The following SCRG1 variants were observed in gnomAD, a reference collection of about 807,000 sequenced individuals.
The protein encoded by SCRG1 is scrapie-responsive protein 1.
A neutral mutation model predicts 7.7 loss-of-function variants in SCRG1; 3 were observed. The ratio of observed to expected loss-of-function variants is 0.39; its 90% confidence interval spans 0.18 to 1.01. The LOEUF is 1.01. Ranked by LOEUF, SCRG1 falls within the 50% of genes least tolerant of loss-of-function variation. SCRG1 has a pLI of 0.36. For synonymous variants in SCRG1, 46 were observed against 41.2 expected (o/e 1.12, Z -0.44); for missense variants, 110 against 117.2 (o/e 0.94, Z 0.28).
chr4:173,459,380 G>A, the SCRG1 span, among the ~76,000 whole-genome samples: 1 of 152,086 alleles, frequency 6.6e-6, no homozygotes, highest in African/African-American at 2.4e-5. Flanking sequence ...AAGTCTTAAT[G>A]TATTTAAAAT....
chr4:173,458,016 G>A, the SCRG1 span, among the ~76,000 whole-genome samples: 1 of 152,218 alleles, frequency 6.6e-6, no homozygotes, highest in Non-Finnish European at 1.5e-5. Context: ...AGGCATGAGA[G>A]CACTCTCAGA....
the SCRG1 span, among the ~76,000 whole-genome samples, chr4:173,441,937 T>C: frequency 2.6e-5 from 4 of 152,196 alleles, no homozygotes; most frequent in Non-Finnish European, 5.9e-5. Context: ...GTAATATACA[T>C]GATAGACCGT....
the SCRG1 span, among the ~76,000 whole-genome samples, chr4:173,457,902 A>G: frequency 5.3e-5 from 8 of 152,262 alleles, no homozygotes; most frequent in South Asian, 1.7e-3. Flanking sequence ...TGAAGGAGTC[A>G]TACTGTTTTC....
the SCRG1 span, among the ~76,000 whole-genome samples, chr4:173,498,180 A>T: frequency 6.6e-6 from 1 of 152,250 alleles, no homozygotes; most frequent in East Asian, 1.9e-4. Context: ...CAAGACTCTT[A>T]TAAACAAATC....
chr4:173,481,188 T>G, the SCRG1 span, among the ~76,000 whole-genome samples: 2 of 152,206 alleles, frequency 1.3e-5, no homozygotes, highest in Admixed American at 1.3e-4. Flanking sequence ...CCTTTAATTA[T>G]CTTTATCTTA....
the SCRG1 span, among the ~76,000 whole-genome samples, chr4:173,460,903 TAGG>T: frequency 2.0e-5 from 3 of 152,156 alleles, no homozygotes; most frequent in African/African-American, 7.2e-5. Flanking sequence ...CCTTGGGCCT[TAGG>T]AGATCAACTG....
At chr4:173,492,506 G>C in the SCRG1 span, among the ~76,000 whole-genome samples, 2 of 152,096 alleles carry the variant, frequency 1.3e-5, no homozygotes, top group Admixed American at 1.3e-4. Flanking sequence ...ACCCAAGCAG[G>C]CTTGTTTCCT....
At chr4:173,400,978 G>C (rs184132085), upstream of SCRG1, among the ~76,000 whole-genome samples, 2 of 152,198 alleles carry the variant, frequency 1.3e-5, no homozygotes, top group East Asian at 3.8e-4. Flanking sequence ...TTAGGAGAGT[G>C]TCATCATGGA....
the SCRG1 span, among the ~76,000 whole-genome samples, chr4:173,456,548 C>T: frequency 8.5e-5 from 13 of 152,162 alleles, no homozygotes; most frequent in African/African-American, 3.1e-4. Flanking sequence ...CTATAATTAA[C>T]ATTTTGGGTT....
At chr4:173,412,989 G>A in the SCRG1 span, among the ~76,000 whole-genome samples, 1 of 152,016 alleles carries the variant, frequency 6.6e-6, no homozygotes, top group Non-Finnish European at 1.5e-5. Context: ...ATGTGCAATG[G>A]GATTAATTCT....
At chr4:173,429,305 G>A in the SCRG1 span, among the ~76,000 whole-genome samples, 1 of 150,234 alleles carries the variant, frequency 6.7e-6, no homozygotes, top group Admixed American at 6.6e-5. Context: ...TTTTTTTTGA[G>A]ACAAAGTCTT....
chr4:173,487,066 C>A, the SCRG1 span, among the ~76,000 whole-genome samples: 32 of 152,246 alleles, frequency 2.1e-4, no homozygotes, highest in African/African-American at 7.5e-4. Flanking sequence ...AAGTCTGAGG[C>A]CCCACCCTGA....
the SCRG1 span, among the ~76,000 whole-genome samples, chr4:173,506,400 C>T: frequency 6.6e-6 from 1 of 152,160 alleles, no homozygotes; most frequent in Non-Finnish European, 1.5e-5. This position sits in a 1 kb window ranked among gnomAD's most constrained non-coding sequence, Gnocchi z 5.3. Context: ...CAGGGCCCCT[C>T]AGTGTGCCAT....
the SCRG1 span, among the ~76,000 whole-genome samples, chr4:173,471,952 G>A: frequency 6.6e-6 from 1 of 152,232 alleles, no homozygotes; most frequent in South Asian, 2.1e-4. Context: ...CAGGTGATCT[G>A]CCCACCTTGG....
chr4:173,477,843 A>G, the SCRG1 span, among the ~76,000 whole-genome samples: 1 of 151,448 alleles, frequency 6.6e-6, no homozygotes, highest in East Asian at 1.9e-4. Context: ...ATCATAGCCC[A>G]CTTCAGCTTT....
chr4:173,510,243 C>A, the SCRG1 span, among the ~76,000 whole-genome samples: 4 of 152,116 alleles, frequency 2.6e-5, no homozygotes, highest in Non-Finnish European at 2.9e-5. The surrounding 1 kb of genome is among the most constrained non-coding windows in gnomAD (Gnocchi z 5.7). Context: ...AGCCAGAATA[C>A]TGCTCCCCAG....
chr4:173,477,710 CCTTCCT>C, the SCRG1 span, among the ~76,000 whole-genome samples: 1 of 3,032 alleles, frequency 3.3e-4, no homozygotes, highest in Admixed American at 3.3e-3. Context: ...TTTTTCCCTT[CCTTCCT>C]TCCTTCCTTC....
chr4:173,472,777 T>C, the SCRG1 span, among the ~76,000 whole-genome samples: 1 of 152,146 alleles, frequency 6.6e-6, no homozygotes, highest in African/African-American at 2.4e-5. Context: ...AGAATGTTAA[T>C]CTCACCCAAA....
At chr4:173,479,435 G>GTTTTTTTTTTTTTTTTTTTTTTT in the SCRG1 span, among the ~76,000 whole-genome samples, 6 of 125,930 alleles carry the variant, frequency 4.8e-5, no homozygotes, top group Non-Finnish European at 3.4e-5. Context: ...TTGTTTGTTT[G>GTTTTTTTTTTTTTTTTTTTTTTT]TTTTTTTGTT....
Sources: gnomAD v4.1 joint callset for allele counts (sites outside exome capture counted in the v4.1 genomes callset) on GRCh38, gnomAD v4.1.1 for gene constraint, Gnocchi (gnomAD v3.1) non-coding constraint, MANE v1.5 for transcripts, NCBI Gene and HGNC (gene_info 2026-07-23, HGNC 2026-07-21) for gene names.